The following EP400 variants were observed in gnomAD, a reference collection of about 807,000 sequenced individuals.
EP400 encodes E1A-binding protein p400.
In EP400, 105 loss-of-function variants were observed where a neutral mutation model predicts 354.1. That is an observed-to-expected ratio of 0.30 (90% confidence interval 0.25 to 0.35). EP400 has a LOEUF of 0.35. EP400 is among the 10% of genes least tolerant of loss of function. The pLI is 1.00. For missense variants in EP400, 3,280 were observed against 4,121.0 expected, an observed-to-expected ratio of 0.80 and a Z score of 5.59; for synonymous variants, 1,646 against 1,716.9, an observed-to-expected ratio of 0.96 and a Z score of 1.02.
At chr12:132,011,436 G>T in intron 15 of EP400, 62 bp from the exon 16 acceptor site, 1 of 1,597,662 alleles carries the variant, frequency 6.3e-7, no homozygotes, top group Non-Finnish European at 8.5e-7. Flanking sequence ...GTCAGACACA[G>T]TGCTAGGTGC....
chr12:132,070,190 A>G lies in EP400; in HGVS notation c.9021+549A>G, dbSNP rs1041002627. On this transcript the variant is annotated intron_variant, in intron 51 of 52. Coordinates refer to ENST00000389561, the MANE Select transcript of EP400 (RefSeq NM_015409.5). This position sits in a 1 kb window ranked among gnomAD's most constrained non-coding sequence, Gnocchi z 4.1. ...CTTAGCTGGTCTTCCACCCTCCTGGAGTTGGTTTTTGGGTATGAGATAGAA... is the reference window on the plus strand; with the variant it reads ...CTTAGCTGGTCTTCCACCCTCCTGGGGTTGGTTTTTGGGTATGAGATAGAA... Among the ~76,000 whole-genome samples the G allele has an allele frequency of 2.6e-5, 4 of 151,858 alleles. No homozygotes were observed. Among genetic ancestry groups the G allele is most frequent in the African/African-American group, 4.8e-5 (2 of 41,316 alleles).
chr12:131,999,902 T>C (rs781655408), intron 12 of EP400, among the ~76,000 whole-genome samples: 5 of 152,156 alleles, frequency 3.3e-5, no homozygotes, highest in African/African-American at 1.2e-4. Context: ...TGTGTTTGTA[T>C]GTATGTCCCT....
intron 45 of EP400, among the ~76,000 whole-genome samples, chr12:132,058,595 C>A (rs564405625): frequency 1.3e-5 from 2 of 152,162 alleles, no homozygotes; most frequent in Non-Finnish European, 2.9e-5. Flanking sequence ...CGTGATCCAC[C>A]CACCTCAGCC....
At chr12:131,959,535 C>A (rs1332670387) in intron 1 of EP400, among the ~76,000 whole-genome samples, 1 of 152,188 alleles carries the variant, frequency 6.6e-6, no homozygotes, top group Non-Finnish European at 1.5e-5. Flanking sequence ...TCCTCAGTGG[C>A]CCCTTCTGCT....
rs531367205 is a variant in EP400, at chr12:131,954,660, G to A, written c.-36+4624G>A. On this transcript the variant is annotated intron_variant, in intron 1 of 52. Transcript: ENST00000389561. ...GAATCGCTTGAACCCGGGAGGCGGA[G>A]GGCGCAGTGAGCCGAAATCACGCCA... Among the ~76,000 whole-genome samples the A allele has an allele frequency of 7.3e-5, 11 of 151,628 alleles. No individual in the cohort carries two copies. In the South Asian group the frequency reaches 2.3e-3, roughly 32 times the overall value.
Position 132,070,782 on chromosome 12 carries a change from T to C in EP400, c.9021+1141T>C, listed in dbSNP as rs1270087253. 6.6e-6 allele frequency among the ~76,000 whole-genome samples: 1 copy of C among 152,264 alleles called. No individual in the cohort carries two copies. The highest frequency in any genetic ancestry group is 1.5e-5 in the Non-Finnish European group (1 of 68,044). On this transcript the variant is annotated intron_variant, in intron 51 of 52. Transcript: ENST00000389561. The surrounding 1 kb of genome is among the most constrained non-coding windows in gnomAD (Gnocchi z 4.1). ...TATTTTGTGAAAGTGTTATAGATTATGTTAGTTTTATTCTTAAGCAATCAG... is the reference window on the plus strand; with the variant it reads ...TATTTTGTGAAAGTGTTATAGATTACGTTAGTTTTATTCTTAAGCAATCAG...
Position 132,028,166 on chromosome 12 carries a change from G to T in EP400, c.5259G>T (p.Leu1753=). 1 of 1,614,176 alleles carries T rather than the reference G, an allele frequency of 6.2e-7. No individual in the cohort carries two copies. The highest frequency in any genetic ancestry group is 8.5e-7 in the Non-Finnish European group (1 of 1,180,014). ...GAAGGGTACAGTGGCGTGGGTCCCT[G>T]GATGGCCGTCGTGGGAAGGAGGCCG... ...SHGRVQWRGS[L]DGRRGKEAGP... The change falls in exon 27 of 53, where the codon CTG becomes CTT. Residue 1753 remains leucine (L), a synonymous_variant. Transcript: ENST00000389561.
intron 30 of EP400, among the ~76,000 whole-genome samples, chr12:132,032,755 C>G (rs371993068): frequency 6.6e-6 from 1 of 151,840 alleles, no homozygotes. Flanking sequence ...CTCAGCCTCC[C>G]GAATAGCTGG....
intron 15 of EP400, among the ~76,000 whole-genome samples, chr12:132,008,106 A>T (rs1893645790): frequency 6.6e-6 from 1 of 151,962 alleles, no homozygotes; most frequent in Non-Finnish European, 1.5e-5. Context: ...GCGCCACCAC[A>T]CCCAGCTAAT....
At chr12:132,019,903 C>A in intron 21 of EP400, 146 bp from the exon 22 acceptor site, 1 of 841,268 alleles carries the variant, frequency 1.2e-6, no homozygotes, top group Non-Finnish European at 1.7e-6. Context: ...AGGCATCTTT[C>A]CCCTTCCCTC....
Position 132,029,823 on chromosome 12 carries a change from C to T in EP400, c.5504C>T (p.Pro1835Leu), listed in dbSNP as rs765211040. 1.1e-5 allele frequency: 18 copies of T among 1,613,272 alleles called. No individual in the cohort carries two copies. The highest frequency in any genetic ancestry group is 7.7e-5 in the South Asian group (7 of 91,090). The change falls in exon 28 of 53, where the codon CCG becomes CTG. Residue 1835 changes from proline to leucine, a missense_variant. By Grantham distance (98) the Pro-to-Leu change is moderately conservative. Coordinates refer to ENST00000389561, the MANE Select transcript of EP400 (RefSeq NM_015409.5). The surrounding 1 kb of genome is among the most constrained non-coding windows in gnomAD (Gnocchi z 4.7). ...CAGGGCCTGAGAGAGCACGCTGCGCCGTACTTCCAGCAGCTGCGGCAGACC... is the reference window on the plus strand; with the variant it reads ...CAGGGCCTGAGAGAGCACGCTGCGCTGTACTTCCAGCAGCTGCGGCAGACC... The part of the protein sequence containing the change: ...LRQGLREHAA[P>L]YFQQLRQTTA...
Position 132,013,513 on chromosome 12 carries a change from A to G in EP400, c.3635A>G (p.Asp1212Gly), listed in dbSNP as rs142712946. The change falls in exon 18 of 53, where the codon GAC becomes GGC. Residue 1212 changes from aspartate (D) to glycine (G), a missense_variant. Asp to Gly is a moderately conservative substitution (Grantham distance 94, BLOSUM62 -1). Transcript: ENST00000389561. This position sits in a 1 kb window ranked among gnomAD's most constrained non-coding sequence, Gnocchi z 4.5. ...LQSQQRLLLI[D>G]SPLHNTFLEL... ...AGCCAACAACGTCTGCTTCTGATCG[A>G]CTCGCCGCTGCACAATACCTTCCTG... The G allele has an allele frequency of 1.4e-3, 2,274 of 1,582,594 alleles. 5 individuals carry two copies. The highest frequency in any genetic ancestry group is 1.5e-3 in the Non-Finnish European group (1,783 of 1,163,644).
intron 2 of EP400, among the ~76,000 whole-genome samples, chr12:131,970,841 G>T (rs1400869040): frequency 2.0e-5 from 3 of 151,576 alleles, no homozygotes; most frequent in Admixed American, 6.6e-5. Flanking sequence ...AGTTACCCTT[G>T]TTTTGTTTTG....
Position 132,077,940 on chromosome 12 carries a change from C to T in EP400, c.*267C>T, listed in dbSNP as rs946432397. 38 of 486,806 alleles carry T rather than the reference C, an allele frequency of 7.8e-5. No homozygotes were observed. The highest frequency in any genetic ancestry group is 1.2e-4 in the Non-Finnish European group (32 of 273,284). The allele number at this position is 486,806 out of a possible 1,614,324, so 30.2% of individuals were successfully genotyped here. ...CTAAATCATTTCACCTTTCAGTCCC[C>T]ACCCGCACCCGTCCCCTAGAGCCAT... On this transcript the variant is annotated 3_prime_UTR_variant, in exon 53 of 53. Transcript: ENST00000389561.
chr12:131,984,046 A>G (rs559191878), intron 5 of EP400, among the ~76,000 whole-genome samples: 156 of 152,064 alleles, frequency 1.0e-3, no homozygotes, highest in African/African-American at 3.5e-3. Flanking sequence ...GATTATAGGC[A>G]TGTTGCCACC....
chr12:132,018,496 G>A lies in EP400; in HGVS notation c.4277+120G>A. Reference sequence around the variant, plus strand: ...TAGTTAGGTTATCTGCTGCTCTTGGGACCTTGCTGGTGTCCTTGGCTGTGG... The same window carrying A: ...TAGTTAGGTTATCTGCTGCTCTTGGAACCTTGCTGGTGTCCTTGGCTGTGG... On this transcript the variant is annotated intron_variant, in intron 21 of 52. Coordinates refer to ENST00000389561, the MANE Select transcript of EP400 (RefSeq NM_015409.5). This position sits in a 1 kb window ranked among gnomAD's most constrained non-coding sequence, Gnocchi z 4.0. The A allele has an allele frequency of 2.2e-6, 3 of 1,367,388 alleles. No homozygotes were observed. Among genetic ancestry groups the A allele is most frequent in the Non-Finnish European group, 2.9e-6 (3 of 1,024,024 alleles). The allele number at this position is 1,367,388 out of a possible 1,614,324, so 84.7% of individuals were successfully genotyped here. A position where few individuals can be genotyped will look rare whatever the true frequency, so the allele number is the denominator to read the frequency against.
intron 2 of EP400, among the ~76,000 whole-genome samples, chr12:131,974,509 A>G (rs987019392): frequency 1.3e-5 from 2 of 152,208 alleles, no homozygotes; most frequent in African/African-American, 4.8e-5. Context: ...CCTTCAGAAT[A>G]CCATCAATCT....
chr12:131,973,469 C>T (rs924187355), intron 2 of EP400, among the ~76,000 whole-genome samples: 1 of 152,134 alleles, frequency 6.6e-6, no homozygotes, highest in Non-Finnish European at 1.5e-5. Flanking sequence ...TGGCAAAACC[C>T]CATCTCTACC....
intron 2 of EP400, among the ~76,000 whole-genome samples, chr12:131,966,323 A>G (rs529836365): frequency 6.6e-6 from 1 of 152,180 alleles, no homozygotes; most frequent in South Asian, 2.1e-4. Context: ...CTGTAGTCCC[A>G]GCACTTTGGG....
Sources: gnomAD v4.1 joint callset for allele counts (sites outside exome capture counted in the v4.1 genomes callset) on GRCh38, gnomAD v4.1.1 for gene constraint, Gnocchi (gnomAD v3.1) non-coding constraint, MANE v1.5 for transcripts, NCBI Gene and HGNC (gene_info 2026-07-23, HGNC 2026-07-21) for gene names.